Variants in TMPRSS9 observed in about 807,000 individuals in gnomAD.
The protein encoded by TMPRSS9 is transmembrane serine protease 9, also known as transmembrane protease serine 9.
A neutral mutation model predicts 111.4 loss-of-function variants in TMPRSS9; 113 were observed. The ratio of observed to expected loss-of-function variants is 1.01; its 90% CI spans 0.87 to 1.19. TMPRSS9 has a LOEUF of 1.19. TMPRSS9 is among the 50% of genes most tolerant of loss of function. The pLI, the probability that TMPRSS9 is intolerant of heterozygous loss-of-function variation, is 0.00. For synonymous variants in TMPRSS9, 805 were observed against 659.1 expected (o/e 1.22, Z -3.39); for missense variants, 1,803 against 1,513.1 (o/e 1.19, Z -3.18).
chr19:2,399,702 G>C (rs1970788969), intron 4 of TMPRSS9, among the ~76,000 whole-genome samples: 1 of 152,012 alleles, frequency 6.6e-6, no homozygotes, highest in African/African-American at 2.4e-5. Flanking sequence ...GTCTTGTCTT[G>C]TCTTCTCTTT....
At position 2,403,205 on chromosome 19, in the gene TMPRSS9, C is replaced by T. The variant is rs756674747; in HGVS notation, c.670+10C>T. 97 of 1,592,848 alleles carry T rather than the reference C, an allele frequency of 6.1e-5. No individual in the cohort carries two copies. Among genetic ancestry groups the T allele is most frequent in the Non-Finnish European group, 8.1e-5 (95 of 1,170,066 alleles). On this transcript the variant is annotated intron_variant, in intron 6 of 17. Coordinates refer to ENST00000648592, the Ensembl canonical transcript of TMPRSS9. Reference sequence around the variant, plus strand: ...GACGAGGCGCACTGCGGTCAGTCTGCCTGTCTGGCCTGGTCTCTGGGCCCC... The same window carrying T: ...GACGAGGCGCACTGCGGTCAGTCTGTCTGTCTGGCCTGGTCTCTGGGCCCC...
rs1254588133 is a variant in TMPRSS9 at position 2,422,091 on chromosome 19, G to A, written c.2392G>A (p.Val798Ile). Residue 798 changes from valine to isoleucine, a missense_variant, in exon 14 of 18, where the codon GTC becomes ATC. Coordinates refer to ENST00000648592, the Ensembl canonical transcript of TMPRSS9. Reference sequence around the variant, plus strand: ...CCCCAGGACGACAGCTGGCCTCACAGTCCCGGGGGCCACACCCAGCAGACC... The same window carrying A: ...CCCCAGGACGACAGCTGGCCTCACAATCCCGGGGGCCACACCCAGCAGACC... 2.5e-6 allele frequency: 4 copies of A among 1,607,438 alleles called. No individual in the cohort carries two copies. The highest frequency in any genetic ancestry group is 1.1e-5 in the South Asian group (1 of 90,658).
At chr19:2,400,343 ACCAGC>A (rs1970806083) in intron 4 of TMPRSS9, among the ~76,000 whole-genome samples, 1 of 151,950 alleles carries the variant, frequency 6.6e-6, no homozygotes, top group African/African-American at 2.4e-5. Context: ...GGAGTTCGAG[ACCAGC>A]CTGGCCAACA....
upstream of TMPRSS9, among the ~76,000 whole-genome samples, chr19:2,385,519 T>G (rs1379038048): frequency 6.6e-6 from 1 of 152,028 alleles, no homozygotes; most frequent in African/African-American, 2.4e-5. Context: ...AAAGCCTTAG[T>G]GATGACTCAT....
intron 6 of TMPRSS9, 121 bp from the exon 8 acceptor site, chr19:2,405,253 C>A: frequency 7.5e-7 from 1 of 1,326,456 alleles, no homozygotes; most frequent in Non-Finnish European, 9.9e-7. Context: ...CAAGGAGGGG[C>A]CCCCAAGCAT....
intron 1 of TMPRSS9, among the ~76,000 whole-genome samples, chr19:2,394,052 CATT>C (rs993017042): frequency 4.6e-5 from 7 of 151,848 alleles, no homozygotes; most frequent in Non-Finnish European, 1.0e-4. Context: ...ATACAAAAAA[CATT>C]AGTTGGTCAT....
chr19:2,411,454 G>T (rs541156815), intron 9 of TMPRSS9, among the ~76,000 whole-genome samples: 45 of 142,914 alleles, frequency 3.1e-4, no homozygotes, highest in Non-Finnish European at 6.2e-4. Context: ...CTGGAGTGCA[G>T]TGGTGTGATC....
upstream of TMPRSS9, among the ~76,000 whole-genome samples, chr19:2,387,947 GCTGGTGGGCTGTC>G (rs557921597): frequency 1.4e-3 from 206 of 152,312 alleles, no homozygotes; most frequent in Non-Finnish European, 2.3e-3. Flanking sequence ...CAGACGGGAT[GCTGGTGGGCTGTC>G]CAGAGCCGTA....
exon 11 of TMPRSS9, chr19:2,415,695 G>A (rs778625107): frequency 1.9e-6 from 3 of 1,604,950 alleles, no homozygotes; most frequent in Non-Finnish European, 2.6e-6. Context: ...CTGCAATGGA[G>A]AAGCCCACCC....
intron 1 of TMPRSS9, among the ~76,000 whole-genome samples, chr19:2,365,658 G>C (rs895517165): frequency 6.6e-6 from 1 of 151,956 alleles, no homozygotes; most frequent in Non-Finnish European, 1.5e-5. Context: ...AGGTGGGCAA[G>C]ACAGCTAAAG....
At chr19:2,415,639 C>A in intron 10 of TMPRSS9, 31 bp from the exon 12 acceptor site, 1 of 1,534,316 alleles carries the variant, frequency 6.5e-7, no homozygotes. Context: ...AGGCCAAGAT[C>A]CCCAGACCTG....
chr19:2,392,890 C>T (rs1199980732), intron 1 of TMPRSS9, among the ~76,000 whole-genome samples: 7 of 152,116 alleles, frequency 4.6e-5, no homozygotes, highest in Admixed American at 4.6e-4. Flanking sequence ...ATGCACCAAT[C>T]GCACCAATCA....
chr19:2,402,078 C>T (rs1970861541), intron 5 of TMPRSS9, 62 bp downstream of exon 6: 2 of 1,529,422 alleles, frequency 1.3e-6, no homozygotes, highest in African/African-American at 1.4e-5. Context: ...TCCTAAGACT[C>T]ATTTCAAGGA....
chr19:2,424,129 C>T (rs1350426280), exon 15 of TMPRSS9: 8 of 1,395,360 alleles, frequency 5.7e-6, no homozygotes, highest in Middle Eastern at 2.3e-4. Flanking sequence ...GGATTGTGGG[C>T]GGCAGCGCAG....
intron 14 of TMPRSS9, among the ~76,000 whole-genome samples, chr19:2,422,814 G>T (rs1971497030): frequency 6.6e-6 from 1 of 152,186 alleles, no homozygotes; most frequent in Admixed American, 6.5e-5. Flanking sequence ...CTTGAACCCA[G>T]GAGGTGGAGG....
At chr19:2,418,174 C>G in intron 13 of TMPRSS9, 36 bp downstream of exon 14, 1 of 1,566,672 alleles carries the variant, frequency 6.4e-7, no homozygotes, top group East Asian at 2.3e-5. Flanking sequence ...GCAATATTTC[C>G]ATGAAATGCC....
intron 6 of TMPRSS9, among the ~76,000 whole-genome samples, chr19:2,404,272 A>G (rs942253902): frequency 6.6e-6 from 1 of 152,182 alleles, no homozygotes; most frequent in Admixed American, 6.6e-5. Context: ...AGGAAGAGGA[A>G]AATCTTAATT....
At chr19:2,403,306 A>C in intron 6 of TMPRSS9, 111 bp downstream of exon 7, 1 of 879,582 alleles carries the variant, frequency 1.1e-6, no homozygotes, top group South Asian at 1.5e-5. Flanking sequence ...CAGGCCTGGC[A>C]TTTATGGGGG....
At chr19:2,384,917 A>C (rs545434899), upstream of TMPRSS9, among the ~76,000 whole-genome samples, 45 of 147,158 alleles carry the variant, frequency 3.1e-4, no homozygotes, top group African/African-American at 9.6e-4. Context: ...GGGAGGCAGA[A>C]GTTGCAGTGA....
Sources: allele counts gnomAD v4.1 joint callset (sites outside exome capture counted in the v4.1 genomes callset), GRCh38; gene constraint gnomAD v4.1.1; transcripts MANE v1.5; gene names NCBI Gene and HGNC (gene_info 2026-07-23, HGNC 2026-07-21).